The following PREX1 variants were observed in gnomAD, a reference collection of about 807,000 sequenced individuals.
The protein encoded by PREX1 is phosphatidylinositol 3,4,5-trisphosphate-dependent Rac exchanger 1 protein.
In PREX1, 41 loss-of-function variants were observed where a neutral mutation model predicts 198.3. That is an observed-to-expected ratio of 0.21 (90% CI 0.16 to 0.27). The LOEUF (loss-of-function observed/expected upper bound fraction) is 0.27. Ranked by LOEUF, PREX1 falls within the 10% of genes least tolerant of loss-of-function variation. The pLI, the probability that PREX1 is intolerant of heterozygous loss-of-function variation, is 1.00. For missense variants in PREX1, 1,620 were observed against 2,200.7 expected, an observed-to-expected ratio of 0.74 and a Z score of 5.28; for synonymous variants, 843 against 887.2, an observed-to-expected ratio of 0.95 and a Z score of 0.89.
the PREX1 span, among the ~76,000 whole-genome samples, chr20:48,887,669 G>C: frequency 6.7e-6 from 1 of 148,742 alleles, no homozygotes. Flanking sequence ...GTTGTTTGCC[G>C]GGTGCGGTGA....
At chr20:48,796,483 GA>G (rs1199799368) in intron 1 of PREX1, among the ~76,000 whole-genome samples, 7 of 152,098 alleles carry the variant, frequency 4.6e-5, no homozygotes. Flanking sequence ...CAGACTATCT[GA>G]AGGGGCCTGT....
Position 48,691,230 on chromosome 20 carries a change from C to G in PREX1, c.1037-134G>C, listed in dbSNP as rs1050149694. On this transcript the variant is annotated intron_variant, in intron 8 of 39. Coordinates refer to ENST00000371941, the MANE Select transcript of PREX1 (RefSeq NM_020820.4). The surrounding 1 kb of genome is among the most constrained non-coding windows in gnomAD (Gnocchi z 5.0). ...TCAGGATGGGGAGCTGGACTTCCAGCCCTTCAAACGCTCACTTCTTATCCT... is the reference window on the plus strand; with the variant it reads ...TCAGGATGGGGAGCTGGACTTCCAGGCCTTCAAACGCTCACTTCTTATCCT... 8.1e-6 allele frequency: 9 copies of G among 1,108,882 alleles called. No homozygotes were observed. Among genetic ancestry groups the G allele is most frequent in the Admixed American group, 6.4e-5 (3 of 47,198 alleles). 68.7% of individuals were successfully genotyped at this position (1,108,882 alleles called of 1,614,324 possible). A position where few individuals can be genotyped will look rare whatever the true frequency, so the allele number is the denominator to read the frequency against.
intron 7 of PREX1, among the ~76,000 whole-genome samples, chr20:48,693,188 G>A (rs376345879): frequency 1.4e-4 from 21 of 150,806 alleles, no homozygotes; most frequent in South Asian, 4.2e-4. Flanking sequence ...CTGGCAGTCC[G>A]TCCATCCATC....
chr20:48,676,542 G>A (rs371925643), intron 13 of PREX1, among the ~76,000 whole-genome samples: 3 of 152,222 alleles, frequency 2.0e-5, no homozygotes, highest in East Asian at 1.9e-4. Context: ...TCTAGCCCAG[G>A]AGATCTCAGC....
chr20:48,694,407 T>C (rs1338923358), intron 7 of PREX1, among the ~76,000 whole-genome samples: 1 of 152,196 alleles, frequency 6.6e-6, no homozygotes, highest in Non-Finnish European at 1.5e-5. Flanking sequence ...GGCACTGTTT[T>C]AGGTACTGGG....
the PREX1 span, among the ~76,000 whole-genome samples, chr20:48,843,234 A>C: frequency 6.6e-6 from 1 of 152,218 alleles, no homozygotes; most frequent in East Asian, 1.9e-4. Flanking sequence ...GGGTCATCTA[A>C]GCCTGTCTAA....
intron 4 of PREX1, among the ~76,000 whole-genome samples, chr20:48,734,045 C>A (rs1167238916): frequency 1.3e-5 from 2 of 152,222 alleles, no homozygotes; most frequent in Non-Finnish European, 2.9e-5. Flanking sequence ...AGTCCCCGCA[C>A]CTGGCCGCTT....
At chr20:48,860,252 T>C in the PREX1 span, among the ~76,000 whole-genome samples, 1 of 152,238 alleles carries the variant, frequency 6.6e-6, no homozygotes, top group Non-Finnish European at 1.5e-5. Flanking sequence ...GAGGATATTA[T>C]GCTAATGAAA....
At chr20:48,761,810 T>A (rs1210108157) in intron 1 of PREX1, among the ~76,000 whole-genome samples, 2 of 152,194 alleles carry the variant, frequency 1.3e-5, no homozygotes, top group African/African-American at 4.8e-5. Context: ...CTCAGAGGCA[T>A]CATTCCTTTG....
chr20:48,844,382 T>C, the PREX1 span, among the ~76,000 whole-genome samples: 27 of 152,096 alleles, frequency 1.8e-4, no homozygotes, highest in African/African-American at 6.3e-4. Flanking sequence ...AGCAACATTT[T>C]CCCCTTCTCC....
chr20:48,773,464 A>G (rs1217632815), intron 1 of PREX1, among the ~76,000 whole-genome samples: 1 of 152,198 alleles, frequency 6.6e-6, no homozygotes, highest in Admixed American at 6.5e-5. Flanking sequence ...CAGAGCAGCA[A>G]GGAACTGTCT....
At chr20:48,655,117 C>T (rs963702664) in intron 19 of PREX1, among the ~76,000 whole-genome samples, 173 bp downstream of exon 19, 2 of 152,316 alleles carry the variant, frequency 1.3e-5, no homozygotes, top group South Asian at 4.1e-4. Context: ...TGTAGCCTGC[C>T]TGACCCCAAC....
At chr20:48,772,985 G>C (rs2090243713) in intron 1 of PREX1, among the ~76,000 whole-genome samples, 2 of 152,196 alleles carry the variant, frequency 1.3e-5, no homozygotes, top group Non-Finnish European at 2.9e-5. Context: ...GTCCATAACT[G>C]GCCAGGCGCG....
At chr20:48,805,162 A>C (rs762902482) in intron 1 of PREX1, among the ~76,000 whole-genome samples, 8 of 152,210 alleles carry the variant, frequency 5.3e-5, no homozygotes, top group Non-Finnish European at 1.0e-4. Context: ...GGGGAGAAGA[A>C]ACGGTGATAG....
At chr20:48,881,727 T>G in the PREX1 span, among the ~76,000 whole-genome samples, 1 of 152,208 alleles carries the variant, frequency 6.6e-6, no homozygotes. Flanking sequence ...CTTTATGATC[T>G]GCCCACCTTG....
At chr20:48,862,790 A>AAAATATATATAT in the PREX1 span, among the ~76,000 whole-genome samples, 24 of 102,540 alleles carry the variant, frequency 2.3e-4, no homozygotes, top group African/African-American at 7.4e-4. Context: ...TAAAAAAAAA[A>AAAATATATATAT]ATATATATAT....
chr20:48,766,529 T>G (rs1329742967), intron 1 of PREX1, among the ~76,000 whole-genome samples: 5 of 152,198 alleles, frequency 3.3e-5, no homozygotes, highest in Admixed American at 2.0e-4. Context: ...AGCTTGCTCC[T>G]GCCCCCAGGC....
At chr20:48,764,348 A>T (rs2090198252) in intron 1 of PREX1, among the ~76,000 whole-genome samples, 1 of 152,202 alleles carries the variant, frequency 6.6e-6, no homozygotes, top group South Asian at 2.1e-4. Flanking sequence ...AGACGTCCAC[A>T]TACTAATCCA....
At chr20:48,830,577 A>G (rs934177413), upstream of PREX1, among the ~76,000 whole-genome samples, 1 of 152,148 alleles carries the variant, frequency 6.6e-6, no homozygotes, top group African/African-American at 2.4e-5. Context: ...ATTGGCCCAC[A>G]CTGCCAAAAA....
Sources: allele counts gnomAD v4.1 joint callset (sites outside exome capture counted in the v4.1 genomes callset), GRCh38; gene constraint gnomAD v4.1.1; non-coding constraint Gnocchi (gnomAD v3.1); transcripts MANE v1.5; gene names NCBI Gene and HGNC (gene_info 2026-07-23, HGNC 2026-07-21).